The following PDCD2 variants were observed in gnomAD, a reference collection of about 807,000 sequenced individuals.
The protein encoded by PDCD2 is programmed cell death 2.
In PDCD2, 38 loss-of-function variants were observed where a neutral mutation model predicts 38.1. The observed-to-expected ratio is 1.00, with a 90% CI of 0.77 to 1.31. PDCD2 has a LOEUF of 1.31. Ranked by LOEUF, PDCD2 falls within the 50% of genes most tolerant of loss-of-function variation. The probability of loss-of-function intolerance (pLI) is 0.00; values close to 1 mark genes in which losing one functional copy is unlikely to be tolerated. For synonymous variants in PDCD2, 205 were observed against 168.9 expected, an observed-to-expected ratio of 1.21 and a Z score of -1.66; for missense variants, 473 against 435.7, an observed-to-expected ratio of 1.09 and a Z score of -0.76.
Position 170,584,481 on chromosome 6 carries a change from C to A in PDCD2, c.101G>T (p.Arg34Leu), listed in dbSNP as rs1001626835. The A allele has an allele frequency of 1.1e-5, 15 of 1,315,694 alleles. No homozygotes were observed. Among genetic ancestry groups the A allele is most frequent in the Non-Finnish European group, 1.4e-5 (15 of 1,040,088 alleles). The allele number at this position is 1,315,694 out of a possible 1,614,324, so 81.5% of individuals were successfully genotyped here. The change falls in exon 1 of 6, where the codon CGG becomes CTG. Residue 34 changes from arginine (R) to leucine (L), a missense_variant. Transcript: ENST00000541970. The part of the protein sequence containing the change: ...SEQFPSKVGG[R>L]PAWLGAAGLP... ...CCCGGCCGCGCCCAGCCATGCCGGC[C>A]GCCCGCCCACCTTGCTGGGGAACTG...
intron 3 of PDCD2, among the ~76,000 whole-genome samples, chr6:170,580,668 T>C (rs2115013081): frequency 6.6e-6 from 1 of 152,130 alleles, no homozygotes; most frequent in African/African-American, 2.4e-5. Flanking sequence ...TGAACCGAGA[T>C]GGTGACATTG....
In PDCD2 at chr6:170,584,446, G is replaced by T; in HGVS notation, c.136C>A (p.Pro46Thr). The change falls in exon 1 of 6, where the codon CCC becomes ACC. Residue 46 changes from proline to threonine, a missense_variant. By Grantham distance (38) the Pro-to-Thr change is conservative. Transcript: ENST00000541970. ...CACAGCTCGCAGGCCAGGGCCTGGG[G>T]CCCCGGCAGCCCGGCCGCGCCCAGC... ...AWLGAAGLPG[P>T]QALACELCGR... 2.3e-6 allele frequency: 3 copies of T among 1,318,608 alleles called. No individual in the cohort carries two copies. The highest frequency in any genetic ancestry group is 2.9e-6 in the Non-Finnish European group (3 of 1,040,286). The allele number at this position is 1,318,608 out of a possible 1,614,324, so 81.7% of individuals were successfully genotyped here. A position where few individuals can be genotyped will look rare whatever the true frequency, so the allele number is the denominator to read the frequency against.
At chr6:170,582,515 C>T in intron 3 of PDCD2, 2 of 1,354,214 alleles carry the variant, frequency 1.5e-6, no homozygotes, top group Non-Finnish European at 1.9e-6. Flanking sequence ...CATTGGTCTG[C>T]TGTCACGATT....
chr6:170,578,305 A>T (rs1779500806), intron 5 of PDCD2, among the ~76,000 whole-genome samples: 1 of 152,218 alleles, frequency 6.6e-6, no homozygotes, highest in African/African-American at 2.4e-5. Context: ...AACCAATATT[A>T]GCTATGACTT....
intron 3 of PDCD2, 140 bp downstream of exon 3, chr6:170,582,917 C>T (rs961913481): frequency 1.3e-6 from 2 of 1,485,746 alleles, no homozygotes; most frequent in African/African-American, 2.8e-5. Context: ...ATATTTTTAC[C>T]TGAGGCAATA....
chr6:170,581,719 C>T (rs542763325), intron 3 of PDCD2: 1 of 167,040 alleles, frequency 6.0e-6, no homozygotes, highest in African/African-American at 2.4e-5. Context: ...AATACACACA[C>T]AACCATCTCA....
Position 170,577,470 on chromosome 6 carries a change from G to C in PDCD2, c.*89C>G. 9.1e-7 allele frequency: 1 copy of C among 1,094,520 alleles called. No individual in the cohort carries two copies. Among genetic ancestry groups the C allele is most frequent in the Non-Finnish European group, 1.3e-6 (1 of 755,668 alleles). The allele number at this position is 1,094,520 out of a possible 1,614,324, so 67.8% of individuals were successfully genotyped here. A position where few individuals can be genotyped will look rare whatever the true frequency, so the allele number is the denominator to read the frequency against. On this transcript the variant is annotated 3_prime_UTR_variant, in exon 6 of 6. Coordinates refer to ENST00000541970, the MANE Select transcript of PDCD2 (RefSeq NM_002598.4). Reference sequence around the variant, plus strand: ...TCAACATCTCTGCACCTCTATTTTTGGTATAAGTATTTCCTTAGGATAAAA... The same window carrying C: ...TCAACATCTCTGCACCTCTATTTTTCGTATAAGTATTTCCTTAGGATAAAA...
intron 3 of PDCD2, chr6:170,581,845 A>T (rs190814380): frequency 1.1e-5 from 3 of 283,558 alleles, no homozygotes; most frequent in Non-Finnish European, 6.8e-6. Context: ...TTTTGAAGTC[A>T]CCTGGAAGAG....
chr6:170,579,788 A>G (rs1335672655), intron 4 of PDCD2: 1 of 441,894 alleles, frequency 2.3e-6, no homozygotes, highest in Non-Finnish European at 4.1e-6. Context: ...TATAACCTTT[A>G]GTCTTTTAGT....
chr6:170,583,231 G>C, intron 2 of PDCD2, 43 bp from the exon 3 acceptor site: 1 of 1,356,198 alleles, frequency 7.4e-7, no homozygotes, highest in Non-Finnish European at 1.0e-6. Context: ...ATTTAGTTTT[G>C]AAGACAGTCT....
chr6:170,582,019 CCTG>C (rs2115015362), intron 3 of PDCD2: 2 of 1,193,346 alleles, frequency 1.7e-6, no homozygotes, highest in Middle Eastern at 5.0e-4. Context: ...CATCCTTGAT[CCTG>C]CTACTCTAGG....
chr6:170,584,480 C>A lies in PDCD2; in HGVS notation c.102G>T (p.Arg34=). 1 of 1,315,526 alleles carries A rather than the reference C, an allele frequency of 7.6e-7. No individual in the cohort carries two copies. Among genetic ancestry groups the A allele is most frequent in the African/African-American group, 1.5e-5 (1 of 64,960 alleles). The allele number at this position is 1,315,526 out of a possible 1,614,324, so 81.5% of individuals were successfully genotyped here. ...SEQFPSKVGG[R]PAWLGAAGLP... is the part of the protein sequence containing the mutation. ...GCCCGGCCGCGCCCAGCCATGCCGG[C>A]CGCCCGCCCACCTTGCTGGGGAACT... The change falls in exon 1 of 6, where the codon CGG becomes CGT. Residue 34 remains arginine, a synonymous_variant. Transcript: ENST00000541970.
chr6:170,575,399 T>A lies in PDCD2; in HGVS notation c.*2160A>T, dbSNP rs1449555343. 1 of 152,136 alleles carries A rather than the reference T, an allele frequency of 6.6e-6. No individual in the cohort carries two copies. The highest frequency in any genetic ancestry group is 1.5e-5 in the Non-Finnish European group (1 of 68,034). The allele number at this position is 152,136 out of a possible 1,614,324, so 9.4% of individuals were successfully genotyped here. ...AAAGGCAAAGCTGAATATGCTGCTC[T>A]CTACAGCAGAGGGAGCTGCTGTGGC... On this transcript the variant is annotated 3_prime_UTR_variant, in exon 6 of 6. Transcript: ENST00000541970.
rs764705175 is a variant in PDCD2 at position 170,578,945 on chromosome 6, G to A, written c.788C>T (p.Ala263Val). The change falls in exon 5 of 6, where the codon GCC becomes GTC. Residue 263 changes from alanine to valine, a missense_variant. By Grantham distance (64) the Ala-to-Val change is moderately conservative. Transcript: ENST00000541970. ...ATTTTCACCAGAAATCCAGATGGGGGCAATACCTCTGCCATATCTAAGAAT... is the reference window on the plus strand; with the variant it reads ...ATTTTCACCAGAAATCCAGATGGGGACAATACCTCTGCCATATCTAAGAAT... ...EQILRYGRGI[A>V]PIWISGENIP... The A allele has an allele frequency of 4.1e-5, 65 of 1,598,668 alleles. No homozygotes were observed. Among genetic ancestry groups the A allele is most frequent in the Admixed American group, 1.2e-4 (7 of 56,488 alleles).
chr6:170,576,497 G>A lies in PDCD2; in HGVS notation c.*1062C>T, dbSNP rs1041732345. On this transcript the variant is annotated 3_prime_UTR_variant, in exon 6 of 6. Coordinates refer to ENST00000541970, the MANE Select transcript of PDCD2 (RefSeq NM_002598.4). ...TTCAAGCACTGATCAACAGCAATGT[G>A]TCTTAAGGGCAGGCATCACTGGTGC... The A allele has an allele frequency of 1.3e-5, 2 of 152,226 alleles. No homozygotes were observed. Among genetic ancestry groups the A allele is most frequent in the Non-Finnish European group, 2.9e-5 (2 of 68,066 alleles). The allele number at this position is 152,226 out of a possible 1,614,324, so 9.4% of individuals were successfully genotyped here.
Position 170,577,732 on chromosome 6 carries a change from A to T in PDCD2, c.877-15T>A, listed in dbSNP as rs772527808. 1.2e-6 allele frequency: 2 copies of T among 1,611,436 alleles called. No individual in the cohort carries two copies. The highest frequency in any genetic ancestry group is 1.7e-6 in the Non-Finnish European group (2 of 1,179,574). ...TGAGGCATGACCTGAGAAGAGGGTGACACACAGTTAGAAAGCTGCTTCACA... is the reference window on the plus strand; with the variant it reads ...TGAGGCATGACCTGAGAAGAGGGTGTCACACAGTTAGAAAGCTGCTTCACA... On this transcript the variant is annotated splice_polypyrimidine_tract_variant and intron_variant, in intron 5 of 5. Coordinates refer to ENST00000541970, the MANE Select transcript of PDCD2 (RefSeq NM_002598.4).
chr6:170,582,031 G>T, intron 3 of PDCD2: 1 of 1,319,448 alleles, frequency 7.6e-7, no homozygotes, highest in Non-Finnish European at 1.0e-6. Context: ...TGCTACTCTA[G>T]GCTCTCCTTT....
At chr6:170,582,339 A>G (rs1779634381) in intron 3 of PDCD2, 1 of 1,535,100 alleles carries the variant, frequency 6.5e-7, no homozygotes, top group African/African-American at 1.4e-5. Flanking sequence ...GGTATGAACT[A>G]CAAACCAGTA....
chr6:170,582,614 T>G (rs1779646353), intron 3 of PDCD2: 2 of 1,266,068 alleles, frequency 1.6e-6, no homozygotes, highest in South Asian at 3.3e-5. Context: ...TCTAAGATAC[T>G]TGGTCAGCAC....
Sources: gnomAD v4.1 joint callset for allele counts (sites outside exome capture counted in the v4.1 genomes callset) on GRCh38, gnomAD v4.1.1 for gene constraint, MANE v1.5 for transcripts, NCBI Gene and HGNC (gene_info 2026-07-23, HGNC 2026-07-21) for gene names.